The following PDE3A variants were observed in gnomAD, a reference collection of about 807,000 sequenced individuals.
The protein encoded by PDE3A is cGMP-inhibited 3',5'-cyclic phosphodiesterase 3A.
Under a neutral mutation model 98.3 loss-of-function variants are expected in PDE3A, and 43 were observed. That is an observed-to-expected ratio of 0.44 (90% CI 0.34 to 0.56). The LOEUF (loss-of-function observed/expected upper bound fraction) is 0.56, where lower values mean the gene tolerates loss of function less well. PDE3A is among the 20% of genes least tolerant of loss of function. The probability of loss-of-function intolerance (pLI) is 0.01; values close to 1 mark genes in which losing one functional copy is unlikely to be tolerated. For synonymous variants in PDE3A, 663 were observed against 567.9 expected, an observed-to-expected ratio of 1.17 and a Z score of -2.38; for missense variants, 1,427 against 1,440.7, an observed-to-expected ratio of 0.99 and a Z score of 0.15.
chr12:20,582,091 C>T (rs1390731949), intron 2 of PDE3A, among the ~76,000 whole-genome samples: 1 of 151,694 alleles, frequency 6.6e-6, no homozygotes, highest in Non-Finnish European at 1.5e-5. Flanking sequence ...GATTCAGATT[C>T]CTCTAAAAAG....
intron 2 of PDE3A, among the ~76,000 whole-genome samples, chr12:20,609,939 A>AACTT (rs148560065): frequency 0.44 from 66,758 of 151,652 alleles, 14,915 homozygotes; most frequent in Admixed American, 0.51. Flanking sequence ...GAAACCGTGA[A>AACTT]ACTTATAGAA....
At chr12:20,602,044 T>C (rs1487277757) in intron 2 of PDE3A, among the ~76,000 whole-genome samples, 2 of 152,192 alleles carry the variant, frequency 1.3e-5, no homozygotes, top group African/African-American at 4.8e-5. Context: ...TTTAAAACTC[T>C]TTCTCATATC....
chr12:20,477,923 G>A (rs980461473), intron 1 of PDE3A, among the ~76,000 whole-genome samples: 2 of 152,138 alleles, frequency 1.3e-5, no homozygotes, highest in Non-Finnish European at 2.9e-5. Context: ...TGTCACCAGA[G>A]TAAGCCATTC....
chr12:20,668,534 C>T (rs1376960960), intron 15 of PDE3A, among the ~76,000 whole-genome samples: 1 of 152,204 alleles, frequency 6.6e-6, no homozygotes, highest in Non-Finnish European at 1.5e-5. Context: ...CAAGTGGGTC[C>T]CTGACCCCTG....
chr12:20,601,765 CT>C (rs146826408), intron 2 of PDE3A, among the ~76,000 whole-genome samples: 26,883 of 148,426 alleles, frequency 0.18, 2,972 homozygotes, highest in South Asian at 0.3. Flanking sequence ...TCTTTTTTAG[CT>C]TTTTTTTTTG....
intron 1 of PDE3A, among the ~76,000 whole-genome samples, chr12:20,441,869 C>T (rs143088864): frequency 2.8e-4 from 43 of 152,198 alleles, no homozygotes; most frequent in Middle Eastern, 3.4e-3. Flanking sequence ...TATGATCCTC[C>T]GGGGCCCACA....
intron 1 of PDE3A, among the ~76,000 whole-genome samples, chr12:20,403,441 T>G (rs936678319): frequency 5.9e-5 from 9 of 152,170 alleles, no homozygotes; most frequent in Non-Finnish European, 1.0e-4. Context: ...TATTCACAGT[T>G]GTAGTCAGTG....
intron 1 of PDE3A, 139 bp from the exon 2 acceptor site, chr12:20,556,521 T>G (rs1237817658): frequency 4.7e-6 from 3 of 633,192 alleles, no homozygotes; most frequent in Non-Finnish European, 8.5e-6. Flanking sequence ...CTAATTTAGG[T>G]ATGTTAATTT....
intron 14 of PDE3A, among the ~76,000 whole-genome samples, chr12:20,652,357 G>A (rs1486991488): frequency 2.0e-5 from 3 of 149,086 alleles, no homozygotes; most frequent in African/African-American, 7.3e-5. Flanking sequence ...GACTTCCACA[G>A]TTGTTGAACT....
chr12:20,542,672 C>A (rs1941949282), intron 1 of PDE3A, among the ~76,000 whole-genome samples: 1 of 151,958 alleles, frequency 6.6e-6, no homozygotes, highest in Non-Finnish European at 1.5e-5. Context: ...TGCAAGAACT[C>A]ATAAATATTG....
intron 1 of PDE3A, among the ~76,000 whole-genome samples, chr12:20,524,133 A>G (rs1327353367): frequency 2.0e-5 from 3 of 152,176 alleles, no homozygotes; most frequent in Non-Finnish European, 4.4e-5. Flanking sequence ...AAGGGATAGG[A>G]GGAATAAAAT....
chr12:20,377,083 A>G (rs1943585955), intron 1 of PDE3A, among the ~76,000 whole-genome samples: 2 of 151,772 alleles, frequency 1.3e-5, no homozygotes, highest in South Asian at 4.1e-4. Context: ...GTGCATGTGC[A>G]TGTGTGTACC....
chr12:20,660,402 C>T (rs1191155374), intron 15 of PDE3A, among the ~76,000 whole-genome samples: 1 of 152,114 alleles, frequency 6.6e-6, no homozygotes, highest in Admixed American at 6.5e-5. Context: ...GTGGAAGCAA[C>T]TTTGGAACAC....
chr12:20,650,375 T>C (rs1159221558), intron 13 of PDE3A, 70 bp from the exon 14 acceptor site: 5 of 971,594 alleles, frequency 5.1e-6, no homozygotes, highest in Non-Finnish European at 6.2e-6. Flanking sequence ...AATGTTCTAT[T>C]GTTTTTCTCT....
chr12:20,388,204 A>G lies in PDE3A; in HGVS notation c.960+17960A>G, dbSNP rs376619854. On this transcript the variant is annotated intron_variant, in intron 1 of 15. Coordinates refer to ENST00000359062, the MANE Select transcript of PDE3A (RefSeq NM_000921.5). ...GGTAATGTGTGATATTCAGTACTAT[A>G]TAAAACACCCTTGGAAGTAAAATCC... Among the ~76,000 whole-genome samples the G allele has an allele frequency of 2.1e-3, 312 of 152,114 alleles. 1 individual carries two copies. Among genetic ancestry groups the G allele is most frequent in the African/African-American group, 7.1e-3 (296 of 41,540 alleles).
At position 20,594,212 on chromosome 12, in the gene PDE3A, A is replaced by C. The variant is rs1943409170; in HGVS notation, c.1012-19231A>C. 2.6e-5 allele frequency among the ~76,000 whole-genome samples: 4 copies of C among 152,182 alleles called. No homozygotes were observed. The South Asian group carries it at 8.3e-4, about 32-fold the overall frequency. On this transcript the variant is annotated intron_variant, in intron 2 of 15. Transcript: ENST00000359062. ...TTTGTTAGTAGAGGATAATGCTAAC[A>C]ATGTTTTTAAGTTGCGAGGAAAAAG... is the stretch of plus-strand genomic sequence containing the variant.
chr12:20,454,986 C>A (rs1441136511), intron 1 of PDE3A, among the ~76,000 whole-genome samples: 1 of 152,100 alleles, frequency 6.6e-6, no homozygotes, highest in Non-Finnish European at 1.5e-5. Context: ...GGGTATATAC[C>A]CAGTAATGAG....
chr12:20,371,829 C>A (rs1943482207), intron 1 of PDE3A, among the ~76,000 whole-genome samples: 1 of 152,060 alleles, frequency 6.6e-6, no homozygotes, highest in African/African-American at 2.4e-5. Flanking sequence ...ATTTTAATTT[C>A]TTTTCACAGT....
intron 4 of PDE3A, among the ~76,000 whole-genome samples, chr12:20,619,167 T>C (rs1944076382): frequency 1.3e-5 from 2 of 151,950 alleles, no homozygotes; most frequent in Admixed American, 1.3e-4. Context: ...TGCATTTATA[T>C]ATAATACATT....
Sources: allele counts gnomAD v4.1 joint callset (sites outside exome capture counted in the v4.1 genomes callset), GRCh38; gene constraint gnomAD v4.1.1; transcripts MANE v1.5; gene names NCBI Gene and HGNC (gene_info 2026-07-23, HGNC 2026-07-21).